The following PTPRG variants were observed in gnomAD, a reference collection of about 807,000 sequenced individuals.
PTPRG encodes the protein protein tyrosine phosphatase receptor type G, also known as receptor-type tyrosine-protein phosphatase gamma.
In PTPRG, 102 loss-of-function variants were observed where a neutral mutation model predicts 165.3. That is an observed-to-expected ratio of 0.62 (90% CI 0.53 to 0.73). The LOEUF is 0.73. Among genes scored for constraint, PTPRG ranks in the 30% least tolerant of loss-of-function variants. The pLI is 0.00. For synonymous variants in PTPRG, 675 were observed against 669.5 expected (o/e 1.01, Z -0.13); for missense variants, 1,866 against 1,861.4 (o/e 1.00, Z -0.05).
Position 62,073,068 on chromosome 3 carries a change from C to T in PTPRG, c.520-5095C>T, listed in dbSNP as rs2661878. Among the ~76,000 whole-genome samples, 1,415 of 148,194 alleles carry T rather than the reference C, an allele frequency of 9.5e-3. 15 individuals carry two copies. The highest frequency in any genetic ancestry group is 0.034 in the African/African-American group (1,326 of 39,084). ...GTGGGACAATCTGAGCATCAAAATA[C>T]ATAATGTTAGTAATGGAATCTGATA... On this transcript the variant is annotated intron_variant, in intron 4 of 29. Transcript: ENST00000474889.
intron 2 of PTPRG, among the ~76,000 whole-genome samples, chr3:61,823,547 AAATGTGTTATG>A (rs544540959): frequency 0.24 from 36,915 of 152,008 alleles, 4,659 homozygotes; most frequent in East Asian, 0.29. Context: ...AGTAGAACTT[AAATGTGTTATG>A]CATTTTGGGT....
chr3:62,017,998 C>T (rs1338692995), intron 4 of PTPRG, among the ~76,000 whole-genome samples: 1 of 152,212 alleles, frequency 6.6e-6, no homozygotes, highest in African/African-American at 2.4e-5. Flanking sequence ...CTAGAAGCCT[C>T]TCCAGTGCCC....
chr3:61,947,143 C>G (rs2039780832), intron 2 of PTPRG, among the ~76,000 whole-genome samples: 1 of 152,162 alleles, frequency 6.6e-6, no homozygotes. Flanking sequence ...CCAGCTTAAT[C>G]ACGTGGGCAT....
chr3:61,642,204 T>C (rs564721127), intron 1 of PTPRG, among the ~76,000 whole-genome samples: 1 of 152,168 alleles, frequency 6.6e-6, no homozygotes, highest in Non-Finnish European at 1.5e-5. Context: ...CCACGGGCCC[T>C]GACCCCGGGC....
intron 1 of PTPRG, among the ~76,000 whole-genome samples, chr3:61,686,902 G>A (rs2107137631): frequency 6.6e-6 from 1 of 152,290 alleles, no homozygotes; most frequent in East Asian, 1.9e-4. Context: ...AATGGTTGGT[G>A]TTGTCTTGAG....
intron 27 of PTPRG, among the ~76,000 whole-genome samples, chr3:62,282,415 G>A (rs1321842032): frequency 6.7e-6 from 1 of 148,430 alleles, no homozygotes; most frequent in Non-Finnish European, 1.5e-5. Flanking sequence ...AATTTTTTTA[G>A]AGACAGATCT....
intron 2 of PTPRG, among the ~76,000 whole-genome samples, chr3:61,974,441 T>C (rs1395659800): frequency 6.6e-6 from 1 of 152,052 alleles, no homozygotes; most frequent in Non-Finnish European, 1.5e-5. Flanking sequence ...TAATCCCAGC[T>C]ACTCGGGAGG....
At chr3:61,830,335 T>A (rs369925855) in intron 2 of PTPRG, among the ~76,000 whole-genome samples, 1 of 152,202 alleles carries the variant, frequency 6.6e-6, no homozygotes, top group Non-Finnish European at 1.5e-5. Context: ...AATACTATCA[T>A]CTTTTAGGTT....
At chr3:61,785,054 T>C (rs1038362389) in intron 2 of PTPRG, among the ~76,000 whole-genome samples, 3 of 152,178 alleles carry the variant, frequency 2.0e-5, no homozygotes, top group Admixed American at 6.5e-5. Context: ...TATAAATAGC[T>C]AAGGGAAAAA....
chr3:62,059,796 T>A (rs1672818168), intron 4 of PTPRG, among the ~76,000 whole-genome samples: 1 of 152,166 alleles, frequency 6.6e-6, no homozygotes, highest in African/African-American at 2.4e-5. Flanking sequence ...ATGCTGCTGT[T>A]CTCATGATAG....
At chr3:61,977,633 C>T (rs56108096) in intron 2 of PTPRG, among the ~76,000 whole-genome samples, 1 of 151,850 alleles carries the variant, frequency 6.6e-6, no homozygotes, top group Admixed American at 6.6e-5. Context: ...ACTTCTACCT[C>T]CATTTGAAAT....
At chr3:61,853,689 T>G (rs1449397868) in intron 2 of PTPRG, among the ~76,000 whole-genome samples, 1 of 152,158 alleles carries the variant, frequency 6.6e-6, no homozygotes, top group Admixed American at 6.5e-5. Flanking sequence ...TCTAACTTAG[T>G]GAGTTTTGGG....
intron 26 of PTPRG, among the ~76,000 whole-genome samples, chr3:62,279,113 A>G (rs1317082248): frequency 6.6e-6 from 1 of 152,020 alleles, no homozygotes; most frequent in African/African-American, 2.4e-5. Context: ...ATCATTGCAC[A>G]GTTTTTCCTA....
rs55955359 is a variant in PTPRG, at chr3:62,092,439, G to GAAAAAAAAA, written c.615+14193_615+14201dup. On this transcript the variant is annotated intron_variant, in intron 5 of 29. Coordinates refer to ENST00000474889, the MANE Select transcript of PTPRG (RefSeq NM_002841.4). ...TGGGCAACAGAGCAAGAGTCCATCT[G>GAAAAAAAAA]AAAAAAAAAAAAAAAAAAAAGAAAA... 5.9e-4 allele frequency among the ~76,000 whole-genome samples: 53 copies of GAAAAAAAAA among 89,432 alleles called. 1 individual carries two copies. Among genetic ancestry groups the GAAAAAAAAA allele is most frequent in the South Asian group, 4.0e-4 (1 of 2,524 alleles). 58.7% of individuals were successfully genotyped at this position (89,432 alleles called of 152,430 possible).
At chr3:62,121,651 T>A (rs1194443913) in intron 5 of PTPRG, among the ~76,000 whole-genome samples, 4 of 152,222 alleles carry the variant, frequency 2.6e-5, no homozygotes, top group African/African-American at 9.6e-5. Flanking sequence ...ATGGCAGTTT[T>A]CATAAGATAA....
intron 1 of PTPRG, among the ~76,000 whole-genome samples, chr3:61,594,287 A>G (rs1212780262): frequency 6.6e-6 from 1 of 152,052 alleles, no homozygotes; most frequent in Non-Finnish European, 1.5e-5. Context: ...ATTACAATGC[A>G]GAGCCCTGCA....
chr3:61,881,447 A>AAC (rs1018009136), intron 2 of PTPRG, among the ~76,000 whole-genome samples: 6 of 152,156 alleles, frequency 3.9e-5, no homozygotes, highest in African/African-American at 1.4e-4. Flanking sequence ...ACAAATATGC[A>AAC]ACACAGCAGC....
intron 5 of PTPRG, among the ~76,000 whole-genome samples, chr3:62,129,960 AC>A (rs761532427): frequency 2.3e-4 from 35 of 152,206 alleles, no homozygotes; most frequent in Non-Finnish European, 4.3e-4. Flanking sequence ...GTTTCAAAAA[AC>A]TACTGGTATC....
intron 1 of PTPRG, among the ~76,000 whole-genome samples, chr3:61,638,499 G>A (rs1167020079): frequency 7.0e-6 from 1 of 143,550 alleles, no homozygotes; most frequent in African/African-American, 2.6e-5. Flanking sequence ...GTTCATAAAT[G>A]GGAATATTTT....
Sources: gnomAD v4.1 joint callset for allele counts (sites outside exome capture counted in the v4.1 genomes callset) on GRCh38, gnomAD v4.1.1 for gene constraint, MANE v1.5 for transcripts, NCBI Gene and HGNC (gene_info 2026-07-23, HGNC 2026-07-21) for gene names.